SLC12A1: variants seen among roughly 807,000 people sequenced by gnomAD.
SLC12A1 encodes Na-K-2Cl cotransporter.
Under a neutral mutation model 130.4 loss-of-function variants are expected in SLC12A1, and 89 were observed. That is an observed-to-expected ratio of 0.68 (90% CI 0.58 to 0.81). SLC12A1 has a LOEUF of 0.81. SLC12A1 is among the 40% of genes least tolerant of loss of function. SLC12A1 has a pLI of 0.00. For synonymous variants in SLC12A1, 499 were observed against 460.0 expected (o/e 1.08, Z -1.09); for missense variants, 1,310 against 1,336.4 (o/e 0.98, Z 0.31).
chr15:48,282,616 T>C (rs1350136821), intron 20 of SLC12A1, among the ~76,000 whole-genome samples: 1 of 152,132 alleles, frequency 6.6e-6, no homozygotes, highest in Non-Finnish European at 1.5e-5. Context: ...AAATAACAGC[T>C]AGGATGCCGT....
intron 2 of SLC12A1, among the ~76,000 whole-genome samples, 178 bp from the exon 3 acceptor site, chr15:48,220,456 C>T (rs1452668710): frequency 1.3e-5 from 2 of 152,080 alleles, no homozygotes; most frequent in African/African-American, 4.8e-5. Flanking sequence ...ACAAAATGAA[C>T]CTTTCAGCTT....
At chr15:48,220,299 C>T (rs1216318328) in intron 2 of SLC12A1, among the ~76,000 whole-genome samples, 3 of 152,038 alleles carry the variant, frequency 2.0e-5, no homozygotes, top group Non-Finnish European at 4.4e-5. Context: ...CTCTGGCTGT[C>T]CCTTCCTTGT....
At chr15:48,301,502 T>TGGGGAG in intron 26 of SLC12A1, 120 bp downstream of exon 26, 1 of 429,450 alleles carries the variant, frequency 2.3e-6, no homozygotes, top group Non-Finnish European at 3.7e-6. Flanking sequence ...GTGTTTTTTT[T>TGGGGAG]GGGGGGGGGA....
intron 24 of SLC12A1, among the ~76,000 whole-genome samples, chr15:48,295,631 A>G (rs2042170018): frequency 6.6e-6 from 1 of 152,220 alleles, no homozygotes; most frequent in South Asian, 2.1e-4. Flanking sequence ...TTTGTCAGGA[A>G]ATAAATTAGT....
intron 15 of SLC12A1, among the ~76,000 whole-genome samples, chr15:48,252,708 A>T (rs561342619): frequency 1.5e-4 from 20 of 137,008 alleles, no homozygotes; most frequent in Non-Finnish European, 2.5e-4. Flanking sequence ...TTTTTAAATT[A>T]AAAAAAAAAG....
chr15:48,234,707 C>T (rs756681165), intron 8 of SLC12A1, among the ~76,000 whole-genome samples, 170 bp from the exon 9 acceptor site: 20 of 151,474 alleles, frequency 1.3e-4, no homozygotes, highest in Non-Finnish European at 2.6e-4. Flanking sequence ...GAGCTGAGAT[C>T]GTGCCATTGC....
In SLC12A1 at chr15:48,220,618, T is replaced by C; in HGVS notation, c.421-16T>C. ...CATTGACCAACTACTGTGTTTTTGC[T>C]ATCTATAAAATGCAGAATGTGGCAG... On this transcript the variant is annotated splice_polypyrimidine_tract_variant and intron_variant, in intron 2 of 26. Transcript: ENST00000380993. 6.2e-7 allele frequency: 1 copy of C among 1,609,854 alleles called. No homozygotes were observed. The highest frequency in any genetic ancestry group is 8.5e-7 in the Non-Finnish European group (1 of 1,177,504).
Position 48,237,192 on chromosome 15 carries a change from G to A in SLC12A1, c.1215+2188G>A, listed in dbSNP as rs371555777. On this transcript the variant is annotated intron_variant, in intron 9 of 26. Transcript: ENST00000380993. ...AATCCAGGTTTTGAGGGATGAACAG[G>A]AGTTTGCCGACAGGACAAAGAAGAG... The A allele has an allele frequency of 1.0e-3, 612 of 595,774 alleles. 10 individuals are homozygous for A. In the South Asian group the frequency reaches 0.012, roughly 12 times the overall value. The allele number at this position is 595,774 out of a possible 1,614,324, so 36.9% of individuals were successfully genotyped here.
chr15:48,257,186 G>C (rs1168704152), intron 16 of SLC12A1, among the ~76,000 whole-genome samples: 2 of 152,214 alleles, frequency 1.3e-5, no homozygotes, highest in Non-Finnish European at 2.9e-5. Flanking sequence ...TTGATGCAAG[G>C]TGGGTTCCCA....
chr15:48,276,142 G>A (rs868313636), intron 20 of SLC12A1, among the ~76,000 whole-genome samples: 1 of 152,182 alleles, frequency 6.6e-6, no homozygotes, highest in African/African-American at 2.4e-5. Flanking sequence ...AAACTCCCTG[G>A]CTGACTGGAT....
chr15:48,283,547 G>A lies in SLC12A1; in HGVS notation c.2486-1559G>A, dbSNP rs374957234. Among the ~76,000 whole-genome samples, 10 of 152,290 alleles carry A rather than the reference G, an allele frequency of 6.6e-5. No individual in the cohort carries two copies. In the South Asian group the frequency reaches 1.0e-3, roughly 16 times the overall value. ...TTTGACCTTAAATCTCATGCCACTC[G>A]CAAAAGATTAATTGCTAAGACCTGG... On this transcript the variant is annotated intron_variant, in intron 20 of 26. Transcript: ENST00000380993.
At chr15:48,249,028 T>C (rs1597426754) in intron 13 of SLC12A1, among the ~76,000 whole-genome samples, 1 of 152,254 alleles carries the variant, frequency 6.6e-6, no homozygotes, top group East Asian at 1.9e-4. Flanking sequence ...TGACAAGAGC[T>C]AGACTCTATC....
chr15:48,267,288 T>C (rs1400247740), intron 17 of SLC12A1, among the ~76,000 whole-genome samples: 1 of 152,206 alleles, frequency 6.6e-6, no homozygotes, highest in Non-Finnish European at 1.5e-5. Flanking sequence ...TTGTGTCATG[T>C]TGCCCTCAAC....
In SLC12A1 at chr15:48,246,892, G is replaced by A. The variant is rs761251600; in HGVS notation, c.1453-17G>A. 1.9e-6 allele frequency: 3 copies of A among 1,575,964 alleles called. No homozygotes were observed. In the East Asian group the frequency reaches 6.7e-5, roughly 35 times the overall value. ...CAAATCACAGAAAGTCTCCTTACTT[G>A]TACCTCTCTTCTCAAGGTCATGAGC... On this transcript the variant is annotated splice_polypyrimidine_tract_variant and intron_variant, in intron 11 of 26. Coordinates refer to ENST00000380993, the MANE Select transcript of SLC12A1 (RefSeq NM_000338.3).
chr15:48,282,863 G>A (rs371849542), intron 20 of SLC12A1, among the ~76,000 whole-genome samples: 222 of 152,298 alleles, frequency 1.5e-3, no homozygotes, highest in African/African-American at 4.9e-3. Context: ...ATAAGCCACA[G>A]GAGGAAGGTC....
intron 19 of SLC12A1, among the ~76,000 whole-genome samples, chr15:48,270,297 G>C (rs1189208726): frequency 2.0e-5 from 3 of 152,090 alleles, no homozygotes; most frequent in Non-Finnish European, 4.4e-5. Context: ...CTAAATATTT[G>C]AGGAGACTTA....
intron 17 of SLC12A1, among the ~76,000 whole-genome samples, chr15:48,265,328 T>A (rs895226969): frequency 2.0e-5 from 3 of 152,224 alleles, no homozygotes; most frequent in Admixed American, 6.5e-5. Flanking sequence ...TTAGACTGTG[T>A]TTATTTAAAT....
chr15:48,262,133 G>A (rs2041781579), intron 17 of SLC12A1, among the ~76,000 whole-genome samples: 1 of 152,184 alleles, frequency 6.6e-6, no homozygotes, highest in Middle Eastern at 3.4e-3. Flanking sequence ...TGCCTTCTTA[G>A]AAAAATGAGG....
intron 11 of SLC12A1, among the ~76,000 whole-genome samples, chr15:48,246,661 A>G (rs1463290344): frequency 6.6e-6 from 1 of 152,092 alleles, no homozygotes. Flanking sequence ...GGTGCCTGTA[A>G]TCCCAGCTAC....
Sources: gnomAD v4.1 joint callset for allele counts (sites outside exome capture counted in the v4.1 genomes callset) on GRCh38, gnomAD v4.1.1 for gene constraint, MANE v1.5 for transcripts, NCBI Gene and HGNC (gene_info 2026-07-23, HGNC 2026-07-21) for gene names.